The following P2RY11 variants were observed in gnomAD, a reference collection of about 807,000 sequenced individuals.
P2RY11 encodes P2Y purinoceptor 11.
In P2RY11, 3 loss-of-function variants were observed where a neutral mutation model predicts 2.4. The observed-to-expected ratio is 1.22, with a 90% confidence interval of 0.56 to 3.17. The LOEUF is 3.17. Among genes scored for constraint, P2RY11 ranks in the 30% most tolerant of loss-of-function variants. P2RY11 has a pLI of 0.03. For synonymous variants in P2RY11, 307 were observed against 237.3 expected, an observed-to-expected ratio of 1.29 and a Z score of -2.70; for missense variants, 670 against 528.2, an observed-to-expected ratio of 1.27 and a Z score of -2.63.
intron 1 of P2RY11, 116 bp downstream of exon 1, chr19:10,111,856 A>G (rs1160410083): frequency 2.4e-6 from 3 of 1,248,414 alleles, no homozygotes; most frequent in Non-Finnish European, 3.4e-6. Flanking sequence ...TCACGCCTGT[A>G]ATCCCAGCAC....
Position 10,114,560 on chromosome 19 carries a change from T to C in P2RY11, c.947T>C (p.Val316Ala). Residue 316 changes from valine to alanine, a missense_variant, in exon 2 of 2, where the codon GTC (valine) becomes GCC (alanine). Transcript: ENST00000321826. ...GGCCTCATGCCCCTGGCCTTCTGTG[T>C]CCACCCTCTACTCTACATGGCCGCA... ...MRGLMPLAFC[V>A]HPLLYMAAVP... 6.2e-7 allele frequency: 1 copy of C among 1,613,402 alleles called. No individual in the cohort carries two copies. The highest frequency in any genetic ancestry group is 8.5e-7 in the Non-Finnish European group (1 of 1,179,726).
intron 1 of P2RY11, among the ~76,000 whole-genome samples, chr19:10,113,281 G>T (rs931001104): frequency 6.6e-6 from 1 of 152,226 alleles, no homozygotes; most frequent in Non-Finnish European, 1.5e-5. Flanking sequence ...GCTTTGGACG[G>T]CACAGATCTG....
chr19:10,114,361 G>T lies in P2RY11; in HGVS notation c.748G>T (p.Val250Leu). ...VAEKLRVAAL[V>L]ASGVALYASS... ...CGAGAAGCTGCGTGTGGCAGCGTTGGTGGCCAGTGGTGTGGCCCTCTACGC... is the reference window on the plus strand; with the variant it reads ...CGAGAAGCTGCGTGTGGCAGCGTTGTTGGCCAGTGGTGTGGCCCTCTACGC... Residue 250 changes from valine (V) to leucine (L), a missense_variant, in exon 2 of 2, where the codon GTG becomes TTG. By Grantham distance (32) the Val-to-Leu change is conservative. Transcript: ENST00000321826. 2 of 1,605,144 alleles carry T rather than the reference G, an allele frequency of 1.2e-6. No individual in the cohort carries two copies. The highest frequency in any genetic ancestry group is 1.7e-6 in the Non-Finnish European group (2 of 1,179,032).
intron 1 of P2RY11, among the ~76,000 whole-genome samples, chr19:10,112,927 AGT>A (rs1431060862): frequency 6.6e-6 from 1 of 151,914 alleles, no homozygotes; most frequent in African/African-American, 2.4e-5. Flanking sequence ...GGGTGATGAG[AGT>A]GAGACTCTGT....
rs1371926635 is a variant in P2RY11 at position 10,115,077 on chromosome 19, C to T, written c.*339C>T. On this transcript the variant is annotated 3_prime_UTR_variant, in exon 2 of 2. Transcript: ENST00000321826. Reference sequence around the variant, plus strand: ...CGCTCTCGGAGGCTGTCTTCTGTCGCCAAGGGTCCCGGACCGAGTACACAG... The same window carrying T: ...CGCTCTCGGAGGCTGTCTTCTGTCGTCAAGGGTCCCGGACCGAGTACACAG... 1.1e-5 allele frequency: 17 copies of T among 1,613,632 alleles called. No homozygotes were observed. The highest frequency in any genetic ancestry group is 1.4e-5 in the Non-Finnish European group (16 of 1,179,978).
chr19:10,113,487 A>C, intron 1 of P2RY11, 146 bp from the exon 2 acceptor site: 1 of 1,238,350 alleles, frequency 8.1e-7, no homozygotes, highest in Non-Finnish European at 1.1e-6. Context: ...TCCTGTCCAC[A>C]TAAAGGAGTG....
rs1330745495 is a variant in P2RY11, at chr19:10,113,693, A to G, written c.80A>G (p.Gln27Arg). Residue 27 changes from glutamine to arginine, a missense_variant, in exon 2 of 2, where the codon CAG becomes CGG. Gln to Arg is a conservative substitution (Grantham distance 43). Transcript: ENST00000321826. ...GCCGACGACAAACTCAGTGGGTTCC[A>G]GGGGGACTTCCTGTGGCCCATACTG... ...AAADDKLSGF[Q>R]GDFLWPILVV... 1.9e-6 allele frequency: 3 copies of G among 1,579,086 alleles called. No individual in the cohort carries two copies. Among genetic ancestry groups the G allele is most frequent in the Non-Finnish European group, 2.6e-6 (3 of 1,159,814 alleles).
At position 10,114,053 on chromosome 19, in the gene P2RY11, G is replaced by T; in HGVS notation, c.440G>T (p.Trp147Leu). The change falls in exon 2 of 2, where the codon TGG (tryptophan) becomes TTG (leucine). Residue 147 changes from tryptophan (W) to leucine (L), a missense_variant. Transcript: ENST00000321826. ...ARSHLRPKHA[W>L]AVSAAGWVLA... is the part of the protein sequence containing the mutation. ...AGCCACCTGCGACCCAAGCACGCCTGGGCCGTGAGCGCTGCCGGCTGGGTC... is the reference window on the plus strand; with the variant it reads ...AGCCACCTGCGACCCAAGCACGCCTTGGCCGTGAGCGCTGCCGGCTGGGTC... The T allele has an allele frequency of 6.2e-7, 1 of 1,600,816 alleles. No individual in the cohort carries two copies. Among genetic ancestry groups the T allele is most frequent in the Non-Finnish European group, 8.5e-7 (1 of 1,179,470 alleles).
rs2089222572 is a variant in P2RY11 at position 10,115,326 on chromosome 19, T to G, written c.*588T>G. 8.9e-7 allele frequency: 1 copy of G among 1,127,584 alleles called. No individual in the cohort carries two copies. Among genetic ancestry groups the G allele is most frequent in the Non-Finnish European group, 1.2e-6 (1 of 804,916 alleles). 69.8% of individuals were successfully genotyped at this position (1,127,584 alleles called of 1,614,324 possible). ...CCAGGCACAAGAGCTGCCACCCCTC[T>G]GCCCGGTTTTGGAAAAAAACAATAA... On this transcript the variant is annotated 3_prime_UTR_variant, in exon 2 of 2. Transcript: ENST00000321826.
Position 10,113,883 on chromosome 19 carries a change from T to C in P2RY11, c.270T>C (p.Tyr90=). 1 of 1,609,204 alleles carries C rather than the reference T, an allele frequency of 6.2e-7. No individual in the cohort carries two copies. Among genetic ancestry groups the C allele is most frequent in the Non-Finnish European group, 8.5e-7 (1 of 1,179,438 alleles). Residue 90 remains tyrosine (Y), a synonymous_variant, in exon 2 of 2, where the codon TAT becomes TAC. Coordinates refer to ENST00000321826, the MANE Select transcript of P2RY11 (RefSeq NM_002566.5). ...LTLPPLAAYL[Y]PPKHWRYGEA... ...TGCCCCCGCTGGCCGCCTACCTCTATCCCCCCAAGCACTGGCGCTATGGGG... is the reference window on the plus strand; with the variant it reads ...TGCCCCCGCTGGCCGCCTACCTCTACCCCCCCAAGCACTGGCGCTATGGGG...
Position 10,114,689 on chromosome 19 carries a change from C to T in P2RY11, c.1076C>T (p.Thr359Ile), listed in dbSNP as rs1403047373. ...STGQALPLNA[T>I]AAPKPSEPQS... ...GGCCAAGCCCTGCCCCTCAATGCCA[C>T]AGCCGCCCCTAAACCGTCAGAGCCC... The change falls in exon 2 of 2, where the codon ACA (threonine) becomes ATA (isoleucine). Residue 359 changes from threonine (T) to isoleucine (I), a missense_variant. Physicochemically the swap from Thr to Ile is moderately conservative, Grantham distance 89 (BLOSUM62 -1). Coordinates refer to ENST00000321826, the MANE Select transcript of P2RY11 (RefSeq NM_002566.5). 5 of 1,613,064 alleles carry T rather than the reference C, an allele frequency of 3.1e-6. No homozygotes were observed. In the East Asian group the frequency reaches 8.9e-5, roughly 29 times the overall value.
In P2RY11 at chr19:10,114,263, C is replaced by T. The variant is rs200840736; in HGVS notation, c.650C>T (p.Pro217Leu). 7.6e-5 allele frequency: 121 copies of T among 1,598,488 alleles called. 1 individual carries two copies. Among genetic ancestry groups the T allele is most frequent in the Middle Eastern group, 3.3e-4 (2 of 6,050 alleles). Residue 217 changes from proline to leucine, a missense_variant, in exon 2 of 2, where the codon CCG (proline) becomes CTG (leucine). Transcript: ENST00000321826. The stretch of plus-strand genomic sequence containing the variant: ...CTGGCGGGGTTGGGCTGCGGCCTGC[C>T]GCTGCTGCTCACGCTGGCAGCCTAC... Reference protein sequence around the residue: ...LVLAGLGCGLPLLLTLAAYGA... With the variant: ...LVLAGLGCGLLLLLTLAAYGA...
Position 10,114,792 on chromosome 19 carries a change from G to A in P2RY11, c.*54G>A. The A allele has an allele frequency of 3.9e-6, 6 of 1,546,994 alleles. No homozygotes were observed. The highest frequency in any genetic ancestry group is 3.7e-5 in the South Asian group (3 of 81,628). ...CCTAGGTGTTGCTGGAGAACCCTGA[G>A]GGCAGGGCCCGAGCCCCGACACATC... On this transcript the variant is annotated 3_prime_UTR_variant, in exon 2 of 2. Transcript: ENST00000321826.
chr19:10,114,600 C>T lies in P2RY11; in HGVS notation c.987C>T (p.Gly329=), dbSNP rs143410132. The change falls in exon 2 of 2, where the codon GGC becomes GGT. Residue 329 remains glycine, a synonymous_variant. Coordinates refer to ENST00000321826, the MANE Select transcript of P2RY11 (RefSeq NM_002566.5). ...LLYMAAVPSL[G]CCCRHCPGYR... ...ACATGGCCGCAGTGCCCAGCCTGGG[C>T]TGCTGCTGCCGACACTGCCCCGGCT... The T allele has an allele frequency of 6.8e-6, 11 of 1,613,908 alleles. No individual in the cohort carries two copies. In the African/African-American group the frequency reaches 1.2e-4, roughly 18 times the overall value.
intron 1 of P2RY11, 129 bp from the exon 2 acceptor site, chr19:10,113,504 G>C (rs374844298): frequency 7.4e-7 from 1 of 1,353,366 alleles, no homozygotes; most frequent in East Asian, 2.4e-5. Flanking sequence ...AGTGGAGCCC[G>C]GTCCCCCTCC....
Position 10,114,594 on chromosome 19 carries a change from C to A in P2RY11, c.981C>A (p.Ser327Arg), listed in dbSNP as rs149208332. The part of the protein sequence containing the change: ...HPLLYMAAVP[S>R]LGCCCRHCPG... ...TACTCTACATGGCCGCAGTGCCCAG[C>A]CTGGGCTGCTGCTGCCGACACTGCC... The change falls in exon 2 of 2, where the codon AGC (serine) becomes AGA (arginine). Residue 327 changes from serine (S) to arginine (R), a missense_variant. Coordinates refer to ENST00000321826, the MANE Select transcript of P2RY11 (RefSeq NM_002566.5). The A allele has an allele frequency of 2.5e-6, 4 of 1,613,828 alleles. No homozygotes were observed. The highest frequency in any genetic ancestry group is 3.4e-6 in the Non-Finnish European group (4 of 1,179,992).
intron 1 of P2RY11, 55 bp downstream of exon 1, chr19:10,111,795 G>T: frequency 6.2e-7 from 1 of 1,602,722 alleles, no homozygotes; most frequent in Non-Finnish European, 8.5e-7. Context: ...TCAGGAGGTG[G>T]GGGTAGTGGG....
At chr19:10,111,765 C>T (rs769483135) in intron 1 of P2RY11, 25 bp downstream of exon 1, 1 of 1,612,954 alleles carries the variant, frequency 6.2e-7, no homozygotes, top group African/African-American at 1.3e-5. Flanking sequence ...TGTTGGCTGT[C>T]TCTGGGGGTC....
chr19:10,111,824 G>A (rs1240334322), intron 1 of P2RY11, 84 bp downstream of exon 1: 3 of 1,521,490 alleles, frequency 2.0e-6, no homozygotes, highest in Non-Finnish European at 2.7e-6. Flanking sequence ...AAACACCTAG[G>A]TCTGGGGCTG....
Sources: allele counts gnomAD v4.1 joint callset (sites outside exome capture counted in the v4.1 genomes callset), GRCh38; gene constraint gnomAD v4.1.1; transcripts MANE v1.5; gene names NCBI Gene and HGNC (gene_info 2026-07-23, HGNC 2026-07-21).